The following TMEM108 variants were observed in gnomAD, a reference collection of about 807,000 sequenced individuals.
The protein encoded by TMEM108 is transmembrane protein 108.
Under a neutral mutation model 35.1 loss-of-function variants are expected in TMEM108, and 12 were observed. The observed-to-expected ratio is 0.34, with a 90% confidence interval of 0.22 to 0.55. TMEM108 has a LOEUF of 0.55. TMEM108 is among the 20% of genes least tolerant of loss of function. The pLI is 0.89. For synonymous variants in TMEM108, 287 were observed against 308.6 expected (o/e 0.93, Z 0.73); for missense variants, 680 against 753.3 (o/e 0.90, Z 1.14).
chr3:133,328,312 G>T (rs1576458284), intron 3 of TMEM108, among the ~76,000 whole-genome samples: 1 of 152,286 alleles, frequency 6.6e-6, no homozygotes, highest in Non-Finnish European at 1.5e-5. Flanking sequence ...CCGATCACAA[G>T]AAAATGAGGT....
chr3:133,113,281 T>G (rs917279096), intron 2 of TMEM108, among the ~76,000 whole-genome samples: 1 of 152,184 alleles, frequency 6.6e-6, no homozygotes, highest in African/African-American at 2.4e-5. Context: ...CACCTAGTAT[T>G]TCTCATGGAT....
intron 3 of TMEM108, among the ~76,000 whole-genome samples, chr3:133,275,581 A>G (rs1447495414): frequency 6.6e-6 from 1 of 152,184 alleles, no homozygotes; most frequent in Non-Finnish European, 1.5e-5. Flanking sequence ...TGTATGTCCC[A>G]ATCCGTTACT....
At chr3:133,158,510 G>A (rs937630037) in intron 2 of TMEM108, among the ~76,000 whole-genome samples, 2 of 148,946 alleles carry the variant, frequency 1.3e-5, no homozygotes, top group South Asian at 2.1e-4. Flanking sequence ...AAATTGTTGT[G>A]ACGTAGGTCG....
At chr3:133,073,513 T>TATATAC in intron 2 of TMEM108, among the ~76,000 whole-genome samples, 1 of 122,624 alleles carries the variant, frequency 8.2e-6, no homozygotes, top group Non-Finnish European at 1.7e-5. Context: ...TCTCTCTCTA[T>TATATAC]ATATATATAT....
At chr3:133,095,240 G>A (rs1943998260) in intron 2 of TMEM108, among the ~76,000 whole-genome samples, 1 of 152,212 alleles carries the variant, frequency 6.6e-6, no homozygotes. Context: ...ATGTGTGGAT[G>A]TAGTCAGGGA....
At chr3:133,256,649 A>G (rs1274020530) in intron 3 of TMEM108, among the ~76,000 whole-genome samples, 1 of 152,214 alleles carries the variant, frequency 6.6e-6, no homozygotes, top group Non-Finnish European at 1.5e-5. Context: ...CAAGGAAACT[A>G]CTAAAAGACA....
chr3:133,346,335 T>A lies in TMEM108; in HGVS notation c.41-33417T>A, dbSNP rs2071816791. Among the ~76,000 whole-genome samples the A allele has an allele frequency of 6.6e-6, 1 of 152,008 alleles. No homozygotes were observed. ...GTTTTGTTTTGTTTTTGTTTTTGTT[T>A]TTGTTTTGGATTTTAGCCATTCTAA... On this transcript the variant is annotated intron_variant, in intron 3 of 5. Coordinates refer to ENST00000321871, the MANE Select transcript of TMEM108 (RefSeq NM_023943.4). This position sits in a 1 kb window ranked among gnomAD's most constrained non-coding sequence, Gnocchi z 4.0.
chr3:133,302,018 G>A (rs1947231814), intron 3 of TMEM108, among the ~76,000 whole-genome samples: 1 of 152,182 alleles, frequency 6.6e-6, no homozygotes, highest in Non-Finnish European at 1.5e-5. Context: ...CTAAGCCTCA[G>A]TGCTCCCACC....
intron 1 of TMEM108, among the ~76,000 whole-genome samples, chr3:133,040,294 C>T (rs1943259740): frequency 6.7e-6 from 1 of 149,906 alleles, no homozygotes; most frequent in Non-Finnish European, 1.5e-5. Context: ...ACCTCCGTCT[C>T]CTGGATTCAA....
At chr3:133,147,580 GTTGT>G (rs1944739876) in intron 2 of TMEM108, among the ~76,000 whole-genome samples, 2 of 152,048 alleles carry the variant, frequency 1.3e-5, no homozygotes, top group South Asian at 2.1e-4. Context: ...TTTTAATGGG[GTTGT>G]TTGTTTTTTG....
At chr3:133,085,349 G>A (rs1943868169) in intron 2 of TMEM108, among the ~76,000 whole-genome samples, 1 of 152,074 alleles carries the variant, frequency 6.6e-6, no homozygotes. Flanking sequence ...GCCACCAAAG[G>A]CCTTGCCCAC....
intron 3 of TMEM108, among the ~76,000 whole-genome samples, chr3:133,300,881 C>T (rs1285883846): frequency 6.6e-6 from 1 of 151,708 alleles, no homozygotes; most frequent in Non-Finnish European, 1.5e-5. Flanking sequence ...ATTATCTAAC[C>T]CTGGAAGGGT....
At chr3:133,377,447 T>TC (rs1490319234) in intron 3 of TMEM108, among the ~76,000 whole-genome samples, 1 of 152,218 alleles carries the variant, frequency 6.6e-6, no homozygotes, top group African/African-American at 2.4e-5. Flanking sequence ...ACTGTCCTCT[T>TC]CTTCCTCCTT....
chr3:133,091,795 T>G (rs991603152), intron 2 of TMEM108, among the ~76,000 whole-genome samples: 2 of 152,150 alleles, frequency 1.3e-5, no homozygotes, highest in Admixed American at 6.5e-5. Flanking sequence ...TTGATTAGGC[T>G]TTGACTAAAG....
chr3:133,388,627 G>A (rs1402476524), intron 4 of TMEM108: 2 of 985,304 alleles, frequency 2.0e-6, no homozygotes, highest in Admixed American at 6.1e-5. Flanking sequence ...AGACTGAAAA[G>A]CAAATTAGAA....
At chr3:133,230,978 T>C (rs925364262) in intron 3 of TMEM108, among the ~76,000 whole-genome samples, 1 of 152,170 alleles carries the variant, frequency 6.6e-6, no homozygotes, top group Non-Finnish European at 1.5e-5. Flanking sequence ...GTCCAGAATA[T>C]GTAGTTTCCT....
At chr3:133,206,832 G>T (rs1945762159) in intron 2 of TMEM108, among the ~76,000 whole-genome samples, 1 of 152,220 alleles carries the variant, frequency 6.6e-6, no homozygotes, top group Non-Finnish European at 1.5e-5. Context: ...TGAGCACTGT[G>T]CTGGGAGATC....
chr3:133,061,532 A>G (rs1469582312), intron 2 of TMEM108, among the ~76,000 whole-genome samples: 1 of 152,188 alleles, frequency 6.6e-6, no homozygotes, highest in East Asian at 1.9e-4. Context: ...TCATTCTTAA[A>G]AGTCACAACA....
chr3:133,230,883 G>C (rs533670786), intron 3 of TMEM108, among the ~76,000 whole-genome samples: 2 of 152,158 alleles, frequency 1.3e-5, no homozygotes, highest in African/African-American at 4.8e-5. Context: ...TGCTGAAGGG[G>C]GTTCAAACAT....
Sources: allele counts gnomAD v4.1 joint callset (sites outside exome capture counted in the v4.1 genomes callset), GRCh38; gene constraint gnomAD v4.1.1; non-coding constraint Gnocchi (gnomAD v3.1); transcripts MANE v1.5; gene names NCBI Gene and HGNC (gene_info 2026-07-23, HGNC 2026-07-21).